The following FUT8 variants were observed in gnomAD, a reference collection of about 807,000 sequenced individuals.
FUT8 encodes fucosyltransferase 8, also known as alpha-(1,6)-fucosyltransferase.
In FUT8, 29 loss-of-function variants were observed where a neutral mutation model predicts 71.3. The observed-to-expected ratio is 0.41, with a 90% CI of 0.30 to 0.55. The LOEUF (loss-of-function observed/expected upper bound fraction) is 0.55, where lower values mean the gene tolerates loss of function less well. FUT8 is among the 20% of genes least tolerant of loss of function. The pLI is 0.34. For missense variants in FUT8, 544 were observed against 702.1 expected (o/e 0.77, Z 2.55); for synonymous variants, 254 against 239.3 (o/e 1.06, Z -0.57).
At chr14:65,559,669 G>A (rs375428989) in intron 2 of FUT8, among the ~76,000 whole-genome samples, 6 of 151,994 alleles carry the variant, frequency 3.9e-5, no homozygotes, top group Admixed American at 1.3e-4. Flanking sequence ...CTGACGTACC[G>A]AATTGAATCA....
At chr14:65,692,494 C>T (rs1283898001) in intron 7 of FUT8, among the ~76,000 whole-genome samples, 2 of 65,770 alleles carry the variant, frequency 3.0e-5, no homozygotes, top group African/African-American at 5.4e-5. Flanking sequence ...GGCGGCTGGC[C>T]GGGCGGGGGG....
intron 3 of FUT8, among the ~76,000 whole-genome samples, chr14:65,584,179 CTTTT>C (rs5809283): frequency 3.2e-5 from 4 of 125,894 alleles, no homozygotes; most frequent in Non-Finnish European, 3.5e-5. Context: ...CACGCCCAGC[CTTTT>C]TTTTTTTTTT....
intron 9 of FUT8, among the ~76,000 whole-genome samples, chr14:65,726,950 G>A (rs1895715699): frequency 6.6e-6 from 1 of 152,192 alleles, no homozygotes; most frequent in African/African-American, 2.4e-5. Context: ...CCCCATGCAA[G>A]TCCGAAATCC....
intron 7 of FUT8, among the ~76,000 whole-genome samples, chr14:65,682,745 T>C (rs1294336422): frequency 1.3e-5 from 2 of 152,220 alleles, no homozygotes; most frequent in East Asian, 1.9e-4. Flanking sequence ...TGCTGAATTA[T>C]GTAGAAGAGT....
rs58021056 is a variant in FUT8 at position 65,435,794 on chromosome 14, C to CT, written c.-325-19813dup. ...TGGTAGTATCTGTTCCTTTTTCTTTCTTTTTTTTTTTTTTAATTTTAGCTC... is the reference window on the plus strand; with the variant it reads ...TGGTAGTATCTGTTCCTTTTTCTTTCTTTTTTTTTTTTTTTAATTTTAGCTC... On this transcript the variant is annotated intron_variant, in intron 1 of 10. Transcript: ENST00000673929. 4.1e-3 allele frequency among the ~76,000 whole-genome samples: 533 copies of CT among 128,974 alleles called. 4 individuals are homozygous for CT. The highest frequency in any genetic ancestry group is 0.011 in the African/African-American group (415 of 36,226). The allele number at this position is 128,974 out of a possible 152,430, so 84.6% of individuals were successfully genotyped here.
At chr14:65,402,050 A>T in the FUT8 span, among the ~76,000 whole-genome samples, 1 of 152,094 alleles carries the variant, frequency 6.6e-6, no homozygotes, top group Admixed American at 6.6e-5. Context: ...GGTAAGTCTC[A>T]GTTCTTGTGT....
intron 1 of FUT8, among the ~76,000 whole-genome samples, chr14:65,449,572 C>A (rs2065791378): frequency 6.6e-6 from 1 of 152,176 alleles, no homozygotes; most frequent in Non-Finnish European, 1.5e-5. Flanking sequence ...AGGCTTTCAT[C>A]CTTCTTGTGT....
At chr14:65,573,761 A>G (rs1181613868) in intron 3 of FUT8, among the ~76,000 whole-genome samples, 4 of 151,564 alleles carry the variant, frequency 2.6e-5, no homozygotes, top group African/African-American at 9.7e-5. Flanking sequence ...ATAGGGCGTC[A>G]GGTTTAGTGA....
At chr14:65,357,530 A>G in the FUT8 span, among the ~76,000 whole-genome samples, 1 of 152,156 alleles carries the variant, frequency 6.6e-6, no homozygotes, top group Admixed American at 6.5e-5. Context: ...ATACCCCCTT[A>G]ATGGCCATGA....
chr14:65,736,388 G>A (rs1896220154), intron 10 of FUT8, among the ~76,000 whole-genome samples: 1 of 151,172 alleles, frequency 6.6e-6, no homozygotes, highest in Non-Finnish European at 1.5e-5. Flanking sequence ...ATTTTAGAAG[G>A]AGCATGAAAC....
chr14:65,403,348 AAT>A, the FUT8 span, among the ~76,000 whole-genome samples: 1 of 152,222 alleles, frequency 6.6e-6, no homozygotes, highest in Non-Finnish European at 1.5e-5. Flanking sequence ...CAAGGATTCA[AAT>A]ATAGTTAGAA....
the FUT8 span, among the ~76,000 whole-genome samples, chr14:65,386,693 TATTG>T: frequency 7.9e-5 from 12 of 151,998 alleles, no homozygotes; most frequent in African/African-American, 2.7e-4. Flanking sequence ...GATATGTTTC[TATTG>T]ATTAATTTAT....
intron 3 of FUT8, among the ~76,000 whole-genome samples, chr14:65,609,865 G>A (rs1888788669): frequency 6.6e-6 from 1 of 151,492 alleles, no homozygotes; most frequent in African/African-American, 2.4e-5. Context: ...TTTTATTACT[G>A]GCCTGACAAT....
At chr14:65,485,353 T>C (rs1320709485) in intron 2 of FUT8, among the ~76,000 whole-genome samples, 2 of 152,200 alleles carry the variant, frequency 1.3e-5, no homozygotes, top group African/African-American at 4.8e-5. Flanking sequence ...TTAGAAATAC[T>C]GTTGAATTTT....
chr14:65,518,651 A>G (rs1429705478), intron 2 of FUT8, among the ~76,000 whole-genome samples: 1 of 151,986 alleles, frequency 6.6e-6, no homozygotes, highest in East Asian at 1.9e-4. Context: ...CCACCACCCA[A>G]ATAGCTGGGA....
intron 1 of FUT8, among the ~76,000 whole-genome samples, chr14:65,437,694 A>G (rs1478217451): frequency 6.6e-6 from 1 of 152,168 alleles, no homozygotes; most frequent in Non-Finnish European, 1.5e-5. Flanking sequence ...AAACTTCATA[A>G]TTTCTTAATG....
chr14:65,622,041 C>G (rs1889644103), intron 5 of FUT8, among the ~76,000 whole-genome samples: 1 of 152,172 alleles, frequency 6.6e-6, no homozygotes, highest in Non-Finnish European at 1.5e-5. Flanking sequence ...CCAGGCTGGT[C>G]TCAAACTTCT....
intron 3 of FUT8, among the ~76,000 whole-genome samples, chr14:65,598,960 T>A (rs1257655509): frequency 1.3e-5 from 2 of 151,718 alleles, no homozygotes; most frequent in Non-Finnish European, 2.9e-5. Context: ...CTGGCTAATT[T>A]TTTGTATTTT....
the FUT8 span, among the ~76,000 whole-genome samples, chr14:65,385,108 G>A: frequency 4.6e-5 from 7 of 151,268 alleles, no homozygotes; most frequent in Admixed American, 6.6e-5. Context: ...TATGTTGGTC[G>A]GGCTGGTCTC....
Sources: gnomAD v4.1 joint callset for allele counts (sites outside exome capture counted in the v4.1 genomes callset) on GRCh38, gnomAD v4.1.1 for gene constraint, MANE v1.5 for transcripts, NCBI Gene and HGNC (gene_info 2026-07-23, HGNC 2026-07-21) for gene names.